APBA2: variants seen among roughly 807,000 people sequenced by gnomAD.
The protein encoded by APBA2 is amyloid-beta A4 precursor protein-binding family A member 2.
In APBA2, 30 loss-of-function variants were observed where a neutral mutation model predicts 75.0. The ratio of observed to expected loss-of-function variants is 0.40; its 90% CI spans 0.30 to 0.54. The LOEUF (loss-of-function observed/expected upper bound fraction) is 0.54, where lower values mean the gene tolerates loss of function less well. Among genes scored for constraint, APBA2 ranks in the 20% least tolerant of loss-of-function variants. APBA2 has a pLI of 0.49. For missense variants in APBA2, 801 were observed against 1,016.1 expected (o/e 0.79, Z 2.88); for synonymous variants, 444 against 409.6 (o/e 1.08, Z -1.01).
At chr15:28,995,371 T>C (rs1183297174) in intron 2 of APBA2, among the ~76,000 whole-genome samples, 1 of 152,140 alleles carries the variant, frequency 6.6e-6, no homozygotes, top group Admixed American at 6.5e-5. Context: ...CCCTCCGCAG[T>C]CTGAAAGTGT....
rs370827031 is a variant in APBA2, at chr15:29,098,582, C to T, written c.1338+6C>T. On this transcript the variant is annotated splice_donor_region_variant and intron_variant, in intron 9 of 14. Transcript: ENST00000683413. ...TTTTAAATGCAGACACGCAGGTAAG[C>T]GTTTAAGACAGTTGTTCAAAATCAG... is the stretch of plus-strand genomic sequence containing the variant. The T allele has an allele frequency of 6.5e-5, 104 of 1,610,592 alleles. No homozygotes were observed. Among genetic ancestry groups the T allele is most frequent in the Non-Finnish European group, 7.5e-5 (88 of 1,176,920 alleles).
chr15:28,939,926 C>T lies in APBA2; in HGVS notation c.-95+18177C>T, dbSNP rs551114141. Among the ~76,000 whole-genome samples, 7 of 152,272 alleles carry T rather than the reference C, an allele frequency of 4.6e-5. No individual in the cohort carries two copies. The South Asian group carries it at 6.2e-4, about 14-fold the overall frequency. On this transcript the variant is annotated intron_variant, in intron 2 of 14. Transcript: ENST00000683413. Reference sequence around the variant, plus strand: ...TAGTTCTGTGTGGAACCACGATCCACGGAGGCAGCTGAGGGGCAAGTGTAG... The same window carrying T: ...TAGTTCTGTGTGGAACCACGATCCATGGAGGCAGCTGAGGGGCAAGTGTAG...
At chr15:28,901,660 T>C (rs1354376432) in intron 1 of APBA2, among the ~76,000 whole-genome samples, 1 of 151,994 alleles carries the variant, frequency 6.6e-6, no homozygotes, top group African/African-American at 2.4e-5. Flanking sequence ...CCCCTTCTCA[T>C]CTCCCTGTGC....
chr15:28,959,396 A>T (rs2036346554), intron 2 of APBA2, among the ~76,000 whole-genome samples: 1 of 152,220 alleles, frequency 6.6e-6, no homozygotes, highest in East Asian at 1.9e-4. Context: ...TTGAAGAGGT[A>T]ACTGAGTTAA....
At chr15:29,059,052 C>T (rs1566958529) in intron 4 of APBA2, among the ~76,000 whole-genome samples, 1 of 152,218 alleles carries the variant, frequency 6.6e-6, no homozygotes. Flanking sequence ...GTAGCACTTT[C>T]CCAGTCATTT....
intron 1 of APBA2, among the ~76,000 whole-genome samples, chr15:28,897,350 C>T (rs2152622617): frequency 6.6e-6 from 1 of 152,162 alleles, no homozygotes; most frequent in East Asian, 1.9e-4. Flanking sequence ...TGCAGTGGCT[C>T]AATGCTTGTA....
At chr15:29,059,640 A>G (rs530221108) in intron 4 of APBA2, among the ~76,000 whole-genome samples, 4 of 152,204 alleles carry the variant, frequency 2.6e-5, no homozygotes, top group Non-Finnish European at 5.9e-5. Flanking sequence ...ATAAACAGAA[A>G]CACACATAAA....
chr15:29,107,200 G>T (rs902273), intron 12 of APBA2, among the ~76,000 whole-genome samples: 46,455 of 152,084 alleles, frequency 0.31, 7,865 homozygotes, highest in Middle Eastern at 0.42. Context: ...CTCAGTGCTG[G>T]TGGGCTGGGG....
At chr15:29,109,952 C>A (rs973131399) in intron 13 of APBA2, among the ~76,000 whole-genome samples, 1 of 152,236 alleles carries the variant, frequency 6.6e-6, no homozygotes, top group Non-Finnish European at 1.5e-5. Context: ...GACTTCAGGA[C>A]AGTGCGCCTG....
intron 13 of APBA2, among the ~76,000 whole-genome samples, chr15:29,110,177 C>T (rs1018352862): frequency 2.0e-5 from 3 of 152,222 alleles, no homozygotes; most frequent in Non-Finnish European, 4.4e-5. Context: ...GGCTACTGCA[C>T]CCCCGACCAT....
chr15:29,064,812 G>A (rs1464192034), intron 4 of APBA2, among the ~76,000 whole-genome samples: 1 of 152,192 alleles, frequency 6.6e-6, no homozygotes, highest in Non-Finnish European at 1.5e-5. Flanking sequence ...GCCAGATGTA[G>A]CAGGGCAGTT....
At chr15:28,995,593 G>A (rs529432506) in intron 2 of APBA2, among the ~76,000 whole-genome samples, 160 bp from the exon 3 acceptor site, 4 of 152,130 alleles carry the variant, frequency 2.6e-5, no homozygotes, top group Non-Finnish European at 5.9e-5. Flanking sequence ...TTTGTTTAGG[G>A]TAATTTCTGA....
intron 2 of APBA2, among the ~76,000 whole-genome samples, chr15:28,924,333 C>G (rs373959740): frequency 6.6e-6 from 1 of 152,086 alleles, no homozygotes; most frequent in Non-Finnish European, 1.5e-5. Flanking sequence ...AGTGCATTTG[C>G]AGTGTTGGGC....
chr15:29,065,237 G>T (rs1033889227), intron 4 of APBA2, among the ~76,000 whole-genome samples: 4 of 152,122 alleles, frequency 2.6e-5, no homozygotes, highest in Admixed American at 2.6e-4. Flanking sequence ...GAGACACCCA[G>T]TTGGCAAAAT....
At position 28,910,040 on chromosome 15, in the gene APBA2, A is replaced by G. The variant is rs138747939; in HGVS notation, c.-204-11600A>G. ...TTATCCGAAGTTGGTATACCCAGAAAGAGAGTTTAAACATTATTTAGAGAG... is the reference window on the plus strand; with the variant it reads ...TTATCCGAAGTTGGTATACCCAGAAGGAGAGTTTAAACATTATTTAGAGAG... On this transcript the variant is annotated intron_variant, in intron 1 of 14. Transcript: ENST00000683413. Among the ~76,000 whole-genome samples, 884 of 152,332 alleles carry G rather than the reference A, an allele frequency of 5.8e-3. 10 individuals are homozygous for G. Among genetic ancestry groups the G allele is most frequent in the African/African-American group, 0.02 (848 of 41,566 alleles).
At chr15:29,069,432 C>T (rs55971500) in intron 4 of APBA2, among the ~76,000 whole-genome samples, 1,759 of 152,300 alleles carry the variant, frequency 0.012, 22 homozygotes, top group Admixed American at 0.031. Context: ...TTAGGAACCA[C>T]AGATGTTTTC....
chr15:28,976,548 G>T (rs536462127), intron 2 of APBA2, among the ~76,000 whole-genome samples: 1 of 152,262 alleles, frequency 6.6e-6, no homozygotes, highest in Non-Finnish European at 1.5e-5. Flanking sequence ...AATTGTGAAT[G>T]CATGTTGAAC....
At chr15:28,891,467 A>C (rs995910293) in intron 1 of APBA2, among the ~76,000 whole-genome samples, 5 of 152,104 alleles carry the variant, frequency 3.3e-5, no homozygotes, top group African/African-American at 1.2e-4. Flanking sequence ...CTAATTTTCA[A>C]CACGTGCCGA....
At chr15:28,990,171 A>G (rs1360838681) in intron 2 of APBA2, among the ~76,000 whole-genome samples, 1 of 152,214 alleles carries the variant, frequency 6.6e-6, no homozygotes, top group Non-Finnish European at 1.5e-5. Flanking sequence ...GCACTTTGGG[A>G]GGCTGAGGCG....
Sources: gnomAD v4.1 joint callset for allele counts (sites outside exome capture counted in the v4.1 genomes callset) on GRCh38, gnomAD v4.1.1 for gene constraint, MANE v1.5 for transcripts, NCBI Gene and HGNC (gene_info 2026-07-23, HGNC 2026-07-21) for gene names.